AARSD1: variants seen among roughly 807,000 people sequenced by gnomAD.
AARSD1 encodes alanyl-tRNA synthetase domain containing 1, also known as alanyl-tRNA editing protein Aarsd1.
AARSD1 carries 44 observed loss-of-function variants against 48.7 expected under a neutral mutation model. That is an observed-to-expected ratio of 0.90 (90% CI 0.71 to 1.16). The LOEUF (loss-of-function observed/expected upper bound fraction) is 1.16, where lower values mean the gene tolerates loss of function less well. Ranked by LOEUF, AARSD1 falls within the 50% of genes most tolerant of loss-of-function variation. AARSD1 has a pLI of 0.00. For missense variants in AARSD1, 511 were observed against 523.1 expected (o/e 0.98, Z 0.23); for synonymous variants, 189 against 194.9 (o/e 0.97, Z 0.25).
At chr17:42,955,790 T>C in intron 7 of AARSD1, 52 bp downstream of exon 7, 11 of 1,610,528 alleles carry the variant, frequency 6.8e-6, no homozygotes, top group South Asian at 3.3e-5. Flanking sequence ...TAAGAGATTA[T>C]GTCGAAAATC....
intron 3 of AARSD1, among the ~76,000 whole-genome samples, chr17:42,960,505 C>T (rs2049620593): frequency 6.6e-6 from 1 of 151,244 alleles, no homozygotes; most frequent in East Asian, 2.0e-4. Context: ...GGCGGATCAT[C>T]TGAGGTCAGG....
chr17:42,955,632 G>C (rs1330396113), intron 7 of AARSD1: 2 of 687,710 alleles, frequency 2.9e-6, no homozygotes. Flanking sequence ...TAGTAGAGAC[G>C]GGGTTTCACG....
intron 10 of AARSD1, among the ~76,000 whole-genome samples, chr17:42,953,255 C>T (rs1328963719): frequency 6.6e-6 from 1 of 152,170 alleles, no homozygotes; most frequent in Non-Finnish European, 1.5e-5. Flanking sequence ...GCTGGAATTA[C>T]AGGCGTGAGC....
chr17:42,961,342 G>A lies in AARSD1; in HGVS notation c.181C>T (p.Arg61Cys), dbSNP rs78138802. 962 of 1,614,036 alleles carry A rather than the reference G, an allele frequency of 6.0e-4. 10 individuals carry two copies. In the East Asian group the frequency reaches 0.02, roughly 33 times the overall value. The change falls in exon 3 of 12, where the codon CGT (arginine) becomes TGT (cysteine). Residue 61 changes from arginine (R) to cysteine (C), a missense_variant. Transcript: ENST00000427569. Reference sequence around the variant, plus strand: ...ACAGAGATGTCATTGATTGTACCACGGTCATCAGGCTGGTGGAAATAAGTA... The same window carrying A: ...ACAGAGATGTCATTGATTGTACCACAGTCATCAGGCTGGTGGAAATAAGTA... ...FPEGGGQPDD[R>C]GTINDISVLR...
chr17:42,955,329 C>G, intron 7 of AARSD1, 105 bp from the exon 8 acceptor site: 3 of 1,396,734 alleles, frequency 2.1e-6, no homozygotes, highest in Non-Finnish European at 2.9e-6. Flanking sequence ...TCCCTGCAGT[C>G]AGGGACCAGG....
Position 42,950,654 on chromosome 17 carries a change from C to G in AARSD1, c.1178G>C (p.Arg393Pro). 6.2e-7 allele frequency: 1 copy of G among 1,614,028 alleles called. No homozygotes were observed. Among genetic ancestry groups the G allele is most frequent in the Non-Finnish European group, 8.5e-7 (1 of 1,179,996 alleles). The change falls in exon 12 of 12, where the codon CGG becomes CCG. Residue 393 changes from arginine to proline, a missense_variant. Transcript: ENST00000427569. ...RFQGKATKMS[R>P]RMEAQALLQD... ...GAGAAGCGCCTGCGCCTCCATCCGC[C>G]GGCTCATCTTGGTGGCCTTGCCCTG...
At position 42,954,902 on chromosome 17, in the gene AARSD1, G is replaced by A; in HGVS notation, c.927C>T (p.Asp309=). 1 of 1,614,114 alleles carries A rather than the reference G, an allele frequency of 6.2e-7. No homozygotes were observed. Among genetic ancestry groups the A allele is most frequent in the Non-Finnish European group, 8.5e-7 (1 of 1,180,016 alleles). ...HIAHSLRNSP[D]WGGVVILHRK... ...TGTGTAATATGACCACACCTCCCCAGTCTGGACTGTTCCTGAGGCTATGGG... is the reference window on the plus strand; with the variant it reads ...TGTGTAATATGACCACACCTCCCCAATCTGGACTGTTCCTGAGGCTATGGG... Residue 309 remains aspartate (D), a synonymous_variant, in exon 9 of 12, where the codon GAC becomes GAT. Coordinates refer to ENST00000427569, the MANE Select transcript of AARSD1 (RefSeq NM_001261434.2).
chr17:42,962,106 C>G, intron 2 of AARSD1: 1 of 173,912 alleles, frequency 5.8e-6, no homozygotes, highest in South Asian at 8.5e-5. Flanking sequence ...TCAAGACCAT[C>G]CTGGCCAACA....
At chr17:42,951,704 G>C in intron 11 of AARSD1, 96 bp downstream of exon 11, 1 of 1,317,590 alleles carries the variant, frequency 7.6e-7, no homozygotes. Context: ...TGAATTAAAT[G>C]AGATCGCAGA....
chr17:42,961,173 C>T lies in AARSD1; in HGVS notation c.331+19G>A. On this transcript the variant is annotated intron_variant, in intron 3 of 11. Coordinates refer to ENST00000427569, the MANE Select transcript of AARSD1 (RefSeq NM_001261434.2). ...CATGGCAACTGCTCCGGTGTTATGT[C>T]CCCCATCCCAGCCTTTACCTGAATG... The T allele has an allele frequency of 6.2e-7, 1 of 1,600,728 alleles. No homozygotes were observed. Among genetic ancestry groups the T allele is most frequent in the South Asian group, 1.1e-5 (1 of 90,222 alleles).
chr17:42,962,452 T>C (rs1398001519), intron 2 of AARSD1, among the ~76,000 whole-genome samples: 1 of 152,052 alleles, frequency 6.6e-6, no homozygotes, highest in Non-Finnish European at 1.5e-5. Context: ...AAACAGACAA[T>C]TGCAATATGA....
rs774700377 is a variant in AARSD1 at position 42,955,822 on chromosome 17, A to G, written c.794+20T>C. ...AATCTCAGAAATGGGAGGTAATCGA[A>G]GGTACTGAAACAGGCATACTTAAGC... On this transcript the variant is annotated intron_variant, in intron 7 of 11. Transcript: ENST00000427569. The G allele has an allele frequency of 5.0e-6, 8 of 1,613,750 alleles. No individual in the cohort carries two copies. Among genetic ancestry groups the G allele is most frequent in the Non-Finnish European group, 4.2e-6 (5 of 1,179,716 alleles).
rs1335774032 is a variant in AARSD1 at position 42,955,863 on chromosome 17, T to G, written c.773A>C (p.Lys258Thr). 1 of 1,614,050 alleles carries G rather than the reference T, an allele frequency of 6.2e-7. No homozygotes were observed. The highest frequency in any genetic ancestry group is 1.7e-5 in the Admixed American group (1 of 60,006). Residue 258 changes from lysine (K) to threonine (T), a missense_variant, in exon 7 of 12, where the codon AAA becomes ACA. Physicochemically the swap from Lys to Thr is moderately conservative, Grantham distance 78. Coordinates refer to ENST00000427569, the MANE Select transcript of AARSD1 (RefSeq NM_001261434.2). Reference protein sequence around the residue: ...KWMERSHGTEKALTALLKCGA... With the variant: ...KWMERSHGTETALTALLKCGA... ...ATACTTAAGCAGAGCAGTCAGTGCT[T>G]TTTCAGTTCCATGACTTCTCTCCAT...
rs1173761912 is a variant in AARSD1 at position 42,956,209 on chromosome 17, G to A, written c.658C>T (p.Leu220Phe). The change falls in exon 6 of 12, where the codon CTT becomes TTT. Residue 220 changes from leucine to phenylalanine, a missense_variant. Leu to Phe is a conservative substitution (Grantham distance 22, BLOSUM62 0). Transcript: ENST00000427569. ...CACAGCCGTTCCTCACTTACCTGAA[G>A]GTCACTGAGATTGCTCACATGGGTC... ...CGTHVSNLSD[L>F]QVIKILGTEK... The A allele has an allele frequency of 1.2e-6, 2 of 1,613,910 alleles. No individual in the cohort carries two copies. The highest frequency in any genetic ancestry group is 2.7e-5 in the African/African-American group (2 of 74,874).
Position 42,950,702 on chromosome 17 carries a change from C to T in AARSD1, c.1130G>A (p.Gly377Glu). 6.2e-7 allele frequency: 1 copy of T among 1,613,842 alleles called. No individual in the cohort carries two copies. Among genetic ancestry groups the T allele is most frequent in the South Asian group, 1.1e-5 (1 of 91,048 alleles). ...PRVAEVLEGK[G>E]AGKKGRFQGK... ...CTGAAAACGGCCTTTCTTCCCTGCT[C>T]CTTTGCCTTCCAGGACCTCAGCCAC... The change falls in exon 12 of 12, where the codon GGA (glycine) becomes GAA (glutamate). Residue 377 changes from glycine (G) to glutamate (E), a missense_variant. Gly to Glu is a moderately conservative substitution (Grantham distance 98). Transcript: ENST00000427569.
chr17:42,954,963 T>C lies in AARSD1; in HGVS notation c.866A>G (p.Asn289Ser). The C allele has an allele frequency of 5.6e-6, 9 of 1,614,148 alleles. No homozygotes were observed. Among genetic ancestry groups the C allele is most frequent in the Non-Finnish European group, 5.9e-6 (7 of 1,180,040 alleles). ...QNSTKILQKN[N>S]LNLLRDLAVH... ...AGCCAGGTCTCTGAGCAGATTCAGGTTATTCTGAAATGGATATGGTAACTC... is the reference window on the plus strand; with the variant it reads ...AGCCAGGTCTCTGAGCAGATTCAGGCTATTCTGAAATGGATATGGTAACTC... The change falls in exon 9 of 12, where the codon AAC becomes AGC. Residue 289 changes from asparagine to serine, a missense_variant. Transcript: ENST00000427569.
chr17:42,962,226 G>A (rs2049647644), intron 2 of AARSD1: 2 of 305,986 alleles, frequency 6.5e-6, no homozygotes, highest in East Asian at 1.5e-4. Flanking sequence ...CTTGAACCTG[G>A]CAGACGGAGA....
At chr17:42,961,818 A>T (rs952655450) in intron 2 of AARSD1, among the ~76,000 whole-genome samples, 7 of 152,230 alleles carry the variant, frequency 4.6e-5, no homozygotes, top group Admixed American at 3.9e-4. Context: ...ATCGCTTGAG[A>T]TCAGACTGGA....
Position 42,963,733 on chromosome 17 carries a change from C to T in AARSD1, c.171+373G>A, listed in dbSNP as rs1338848922. 2.0e-5 allele frequency among the ~76,000 whole-genome samples: 3 copies of T among 152,044 alleles called. No homozygotes were observed. The East Asian group carries it at 5.8e-4, about 29-fold the overall frequency. Reference sequence around the variant, plus strand: ...CACTAGATAATTGCAAAGACTCACCCCCTCACTTCGTTTAGGTCTCTACTG... The same window carrying T: ...CACTAGATAATTGCAAAGACTCACCTCCTCACTTCGTTTAGGTCTCTACTG... On this transcript the variant is annotated intron_variant, in intron 2 of 11. Coordinates refer to ENST00000427569, the MANE Select transcript of AARSD1 (RefSeq NM_001261434.2).
Sources: gnomAD v4.1 joint callset for allele counts (sites outside exome capture counted in the v4.1 genomes callset) on GRCh38, gnomAD v4.1.1 for gene constraint, MANE v1.5 for transcripts, NCBI Gene and HGNC (gene_info 2026-07-23, HGNC 2026-07-21) for gene names.